Variants in PCDHA3 observed in about 807,000 individuals in gnomAD.
PCDHA3 encodes the protein protocadherin alpha-3.
In PCDHA3, 41 loss-of-function variants were observed where a neutral mutation model predicts 62.2. The observed-to-expected ratio is 0.66, with a 90% CI of 0.51 to 0.86. The LOEUF is 0.86. Among genes scored for constraint, PCDHA3 ranks in the 40% least tolerant of loss-of-function variants. The probability of loss-of-function intolerance (pLI) is 0.00; values close to 1 mark genes in which losing one functional copy is unlikely to be tolerated. For synonymous variants in PCDHA3, 640 were observed against 555.4 expected (o/e 1.15, Z -2.14); for missense variants, 1,304 against 1,241.2 (o/e 1.05, Z -0.76).
chr5:141,007,395 CAAAAAAAAAAAAAAAA>C (rs35800918), intron 3 of PCDHA3, among the ~76,000 whole-genome samples: 1 of 94,866 alleles, frequency 1.1e-5, no homozygotes. Context: ...TACTAAAATA[CAAAAAAAAAAAAAAAA>C]AAAAAAATTA....
intron 1 of PCDHA3, among the ~76,000 whole-genome samples, chr5:140,972,181 AC>A: frequency 6.6e-6 from 1 of 152,234 alleles, no homozygotes; most frequent in Admixed American, 6.5e-5. Flanking sequence ...TTGGCCTGTC[AC>A]CCAGGCTGGA....
At chr5:140,938,218 T>C (rs1050033125) in intron 1 of PCDHA3, among the ~76,000 whole-genome samples, 1 of 152,210 alleles carries the variant, frequency 6.6e-6, no homozygotes, top group Admixed American at 6.5e-5. Flanking sequence ...AGTGCTGGGA[T>C]TACAGGCATA....
At chr5:141,008,440 A>T (rs545076432) in intron 3 of PCDHA3, among the ~76,000 whole-genome samples, 196 of 152,294 alleles carry the variant, frequency 1.3e-3, no homozygotes, top group South Asian at 8.7e-3. Flanking sequence ...GCCCAGACAG[A>T]CCATTACCCT....
Position 140,802,669 on chromosome 5 carries a change from C to G in PCDHA3, c.1472C>G (p.Ser491Cys), listed in dbSNP as rs782733330. The G allele has an allele frequency of 1.2e-6, 2 of 1,613,450 alleles. No homozygotes were observed. Among genetic ancestry groups the G allele is most frequent in the Admixed American group, 3.3e-5 (2 of 60,024 alleles). Residue 491 changes from serine (S) to cysteine (C), a missense_variant, in exon 1 of 4, where the codon TCC (serine) becomes TGC (cysteine). Transcript: ENST00000522353. Reference sequence around the variant, plus strand: ...GACGCGCAGGAGAACGCCCTGGTGTCCTACTCGCTGGTGGAACGGCGGGTG... The same window carrying G: ...GACGCGCAGGAGAACGCCCTGGTGTGCTACTCGCTGGTGGAACGGCGGGTG... Reference protein sequence around the residue: ...DADAQENALVSYSLVERRVGE... With the variant: ...DADAQENALVCYSLVERRVGE...
At chr5:140,822,630 TG>T in intron 1 of PCDHA3, 1 of 1,611,460 alleles carries the variant, frequency 6.2e-7, no homozygotes, top group Non-Finnish European at 8.5e-7. Context: ...ATCTTGTTCT[TG>T]ACGATGTAAA....
At chr5:140,835,693 C>T (rs1773848999) in intron 1 of PCDHA3, 1 of 1,613,754 alleles carries the variant, frequency 6.2e-7, no homozygotes, top group African/African-American at 1.3e-5. Flanking sequence ...TCTCTGTGGG[C>T]CACTGCTAGC....
intron 1 of PCDHA3, among the ~76,000 whole-genome samples, chr5:140,832,359 G>A (rs2150201276): frequency 9.9e-5 from 15 of 152,276 alleles, no homozygotes; most frequent in African/African-American, 3.4e-4. Context: ...TTCCTAATGT[G>A]AGCATTTTCC....
intron 1 of PCDHA3, among the ~76,000 whole-genome samples, chr5:140,957,344 G>A (rs994510401): frequency 5.9e-5 from 9 of 152,114 alleles, no homozygotes; most frequent in Non-Finnish European, 1.2e-4. Context: ...TATTTTGAGA[G>A]AGAGACCACA....
chr5:140,927,402 C>G, intron 1 of PCDHA3: 1 of 1,614,128 alleles, frequency 6.2e-7, no homozygotes, highest in Non-Finnish European at 8.5e-7. Context: ...AGCACTTTCG[C>G]CTGGACATGG....
intron 1 of PCDHA3, among the ~76,000 whole-genome samples, chr5:140,833,519 A>G (rs1287157587): frequency 6.6e-6 from 1 of 152,228 alleles, no homozygotes; most frequent in African/African-American, 2.4e-5. Flanking sequence ...GCATATATTC[A>G]TAACACACAA....
At chr5:140,874,703 A>G (rs782809395) in intron 1 of PCDHA3, among the ~76,000 whole-genome samples, 16 of 152,270 alleles carry the variant, frequency 1.1e-4, no homozygotes, top group Admixed American at 7.2e-4. Flanking sequence ...TATGGAAATG[A>G]GAGCAGTTAT....
intron 1 of PCDHA3, chr5:140,843,946 C>A: frequency 1.8e-6 from 1 of 563,342 alleles, no homozygotes; most frequent in Non-Finnish European, 3.1e-6. Context: ...TGGATGATAT[C>A]CATTTTTTAC....
chr5:140,841,559 C>A, intron 1 of PCDHA3: 1 of 1,613,852 alleles, frequency 6.2e-7, no homozygotes, highest in Non-Finnish European at 8.5e-7. Flanking sequence ...GGTAAGTCTG[C>A]AGAATGGCAT....
At chr5:140,831,334 C>G (rs188335072) in intron 1 of PCDHA3, 4 of 150,940 alleles carry the variant, frequency 2.7e-5, no homozygotes, top group African/African-American at 9.8e-5. Context: ...TGTTTCTACA[C>G]AGTAATTTAA....
chr5:140,805,031 A>G, intron 1 of PCDHA3: 1 of 1,582,450 alleles, frequency 6.3e-7, no homozygotes, highest in Non-Finnish European at 8.5e-7. Context: ...TGAATATAAT[A>G]GAGTCAGCCA....
intron 1 of PCDHA3, among the ~76,000 whole-genome samples, chr5:140,818,885 A>G (rs1461163389): frequency 6.6e-6 from 1 of 152,236 alleles, no homozygotes; most frequent in African/African-American, 2.4e-5. Context: ...CTGAGATTGC[A>G]TCTCTTGAAT....
chr5:140,809,471 G>A (rs1250038191), intron 1 of PCDHA3: 30 of 1,614,116 alleles, frequency 1.9e-5, no homozygotes, highest in Non-Finnish European at 2.5e-5. Flanking sequence ...GTGCTCTGGT[G>A]AGGGCCCACC....
intron 3 of PCDHA3, among the ~76,000 whole-genome samples, chr5:140,984,647 G>C (rs1169327185): frequency 6.6e-6 from 1 of 152,102 alleles, no homozygotes; most frequent in Non-Finnish European, 1.5e-5. Flanking sequence ...CCTTCTCCCT[G>C]TCCTTCTGGT....
intron 1 of PCDHA3, chr5:140,871,648 T>G: frequency 7.8e-7 from 1 of 1,275,766 alleles, no homozygotes. Context: ...AAATACCAAA[T>G]GATACACATC....
Sources: gnomAD v4.1 joint callset for allele counts (sites outside exome capture counted in the v4.1 genomes callset) on GRCh38, gnomAD v4.1.1 for gene constraint, MANE v1.5 for transcripts, NCBI Gene and HGNC (gene_info 2026-07-23, HGNC 2026-07-21) for gene names.